Variants in IQGAP1 observed in about 807,000 individuals in gnomAD.
The protein encoded by IQGAP1 is IQ motif containing GTPase activating protein 1, also known as ras GTPase-activating-like protein IQGAP1.
In IQGAP1, 66 loss-of-function variants were observed where a neutral mutation model predicts 215.6. The observed-to-expected ratio is 0.31, with a 90% CI of 0.25 to 0.38. The LOEUF is 0.38. Ranked by LOEUF, IQGAP1 falls within the 10% of genes least tolerant of loss-of-function variation. The pLI, the probability that IQGAP1 is intolerant of heterozygous loss-of-function variation, is 1.00. For missense variants in IQGAP1, 1,712 were observed against 1,997.1 expected (o/e 0.86, Z 2.72); for synonymous variants, 772 against 728.7 (o/e 1.06, Z -0.96).
intron 36 of IQGAP1, 91 bp downstream of exon 36, chr15:90,494,926 G>A: frequency 2.2e-6 from 2 of 889,140 alleles, no homozygotes; most frequent in South Asian, 1.6e-5. Flanking sequence ...TTTTCTGGAT[G>A]GTTACTTTTA....
At chr15:90,443,158 G>A (rs1462543198) in intron 8 of IQGAP1, among the ~76,000 whole-genome samples, 5 of 152,088 alleles carry the variant, frequency 3.3e-5, no homozygotes, top group Admixed American at 2.0e-4. Flanking sequence ...ATGGGGTCTC[G>A]CTATGTTGCC....
chr15:90,479,685 G>A (rs1318104926), intron 26 of IQGAP1, among the ~76,000 whole-genome samples: 1 of 152,036 alleles, frequency 6.6e-6, no homozygotes, highest in African/African-American at 2.4e-5. Flanking sequence ...GGTTGAGGCT[G>A]CAGTGTGCCT....
At chr15:90,479,829 A>C (rs1355884270) in intron 26 of IQGAP1, among the ~76,000 whole-genome samples, 1 of 152,116 alleles carries the variant, frequency 6.6e-6, no homozygotes, top group East Asian at 1.9e-4. Context: ...TCATTGCAAA[A>C]GTCTTTTTAA....
In IQGAP1 at chr15:90,500,172, T is replaced by C. The variant is rs1483729349; in HGVS notation, c.*64T>C. ...AAGCACCTCACAGCTCCTTTCTAGG[T>C]CCTTCTTTCCTCATTGGAAGCAAAG... On this transcript the variant is annotated 3_prime_UTR_variant, in exon 38 of 38. Transcript: ENST00000268182. The C allele has an allele frequency of 1.1e-5, 10 of 881,944 alleles. No individual in the cohort carries two copies. Among genetic ancestry groups the C allele is most frequent in the Non-Finnish European group, 1.1e-5 (6 of 532,316 alleles). 54.6% of individuals were successfully genotyped at this position (881,944 alleles called of 1,614,324 possible). A position where few individuals can be genotyped will look rare whatever the true frequency, so the allele number is the denominator to read the frequency against.
intron 37 of IQGAP1, among the ~76,000 whole-genome samples, chr15:90,499,471 T>C (rs1314080412): frequency 6.6e-6 from 1 of 152,242 alleles, no homozygotes; most frequent in East Asian, 1.9e-4. Flanking sequence ...GCCTTCGGGA[T>C]AGAAAGTGTT....
chr15:90,496,576 C>T (rs934357772), intron 36 of IQGAP1: 4 of 152,212 alleles, frequency 2.6e-5, no homozygotes, highest in African/African-American at 7.2e-5. Context: ...CCGCCTCGGT[C>T]TCCCAAAGTG....
chr15:90,397,829 C>T (rs540567542), intron 2 of IQGAP1: 1 of 151,012 alleles, frequency 6.6e-6, no homozygotes, highest in Non-Finnish European at 1.5e-5. Flanking sequence ...ACTCAATAAA[C>T]TTTTATCCAA....
intron 26 of IQGAP1, among the ~76,000 whole-genome samples, 182 bp from the exon 27 acceptor site, chr15:90,481,778 A>G (rs954156780): frequency 3.9e-5 from 6 of 152,188 alleles, no homozygotes; most frequent in Non-Finnish European, 7.3e-5. Context: ...CAATTCAGGC[A>G]CCTGATTCAC....
At chr15:90,426,383 A>G in intron 3 of IQGAP1, 117 bp downstream of exon 3, 1 of 1,124,904 alleles carries the variant, frequency 8.9e-7, no homozygotes, top group Non-Finnish European at 1.2e-6. Flanking sequence ...GCAACAAATT[A>G]TAGCCTTTAA....
At position 90,477,791 on chromosome 15, in the gene IQGAP1, G is replaced by A. The variant is rs753394940; in HGVS notation, c.3231G>A (p.Lys1077=). The stretch of plus-strand genomic sequence containing the variant: ...GACAGATCTTGGCCCCAGTCGTGAA[G>A]GAAATTATGGATGACAAATCTCTCA... ...ALRQILAPVV[K]EIMDDKSLNI... Residue 1077 remains lysine, a synonymous_variant, in exon 26 of 38, where the codon AAG becomes AAA. Transcript: ENST00000268182. 6.2e-6 allele frequency: 10 copies of A among 1,613,842 alleles called. No homozygotes were observed. In the African/African-American group the frequency reaches 9.3e-5, roughly 15 times the overall value.
intron 15 of IQGAP1, among the ~76,000 whole-genome samples, chr15:90,464,842 ACT>A (rs1293827168): frequency 6.8e-6 from 1 of 148,094 alleles, no homozygotes; most frequent in African/African-American, 2.5e-5. Flanking sequence ...ACAGAGCGAG[ACT>A]CTGTCTCAAA....
chr15:90,453,203 A>G lies in IQGAP1; in HGVS notation c.1398A>G (p.Ala466=), dbSNP rs376572982. 1.1e-5 allele frequency: 18 copies of G among 1,613,746 alleles called. No individual in the cohort carries two copies. The highest frequency in any genetic ancestry group is 1.5e-5 in the Non-Finnish European group (18 of 1,179,790). The change falls in exon 13 of 38, where the codon GCA becomes GCG. Residue 466 remains alanine, a synonymous_variant. Coordinates refer to ENST00000268182, the MANE Select transcript of IQGAP1 (RefSeq NM_003870.4). ...MLSSVALINR[A]LESGDVNTVW... Reference sequence around the variant, plus strand: ...CATCGGTGGCCCTGATCAACAGGGCATTGGAATCAGGAGATGTGAATACAG... The same window carrying G: ...CATCGGTGGCCCTGATCAACAGGGCGTTGGAATCAGGAGATGTGAATACAG...
At chr15:90,433,850 T>G in intron 5 of IQGAP1, 55 bp downstream of exon 5, 1 of 1,049,540 alleles carries the variant, frequency 9.5e-7, no homozygotes, top group Non-Finnish European at 1.4e-6. Flanking sequence ...CTGAATTGAG[T>G]GTGTAGTTTT....
chr15:90,460,882 C>T (rs546932119), intron 15 of IQGAP1, among the ~76,000 whole-genome samples: 14 of 151,568 alleles, frequency 9.2e-5, no homozygotes, highest in Middle Eastern at 3.4e-3. Flanking sequence ...ACCTGTGGTC[C>T]CAGGCACTTG....
At chr15:90,448,770 T>G in intron 10 of IQGAP1, 34 bp downstream of exon 10, 2 of 1,457,110 alleles carry the variant, frequency 1.4e-6, no homozygotes, top group Non-Finnish European at 1.8e-6. Flanking sequence ...TGCAAGAGTT[T>G]GTATATATCC....
chr15:90,444,944 G>A (rs1020744464), intron 9 of IQGAP1, among the ~76,000 whole-genome samples: 1 of 152,084 alleles, frequency 6.6e-6, no homozygotes, highest in Admixed American at 6.6e-5. Context: ...GCAATGTGGC[G>A]AAACCCTGTC....
chr15:90,454,215 G>C (rs778225976), intron 13 of IQGAP1, among the ~76,000 whole-genome samples: 11 of 152,102 alleles, frequency 7.2e-5, no homozygotes, highest in Non-Finnish European at 1.6e-4. Context: ...TTTAATTCTA[G>C]AGTTAGTCTT....
chr15:90,414,138 C>T (rs114200000), intron 2 of IQGAP1, among the ~76,000 whole-genome samples: 1,971 of 152,170 alleles, frequency 0.013, 35 homozygotes, highest in African/African-American at 0.045. Context: ...CCTAGTTTTT[C>T]CTCTTCCTTT....
chr15:90,458,497 C>G (rs1028393028), intron 15 of IQGAP1, among the ~76,000 whole-genome samples: 1 of 152,138 alleles, frequency 6.6e-6, no homozygotes, highest in Non-Finnish European at 1.5e-5. Flanking sequence ...TCCCTTTGGA[C>G]TTTCTTAGCA....
Sources: allele counts gnomAD v4.1 joint callset (sites outside exome capture counted in the v4.1 genomes callset), GRCh38; gene constraint gnomAD v4.1.1; transcripts MANE v1.5; gene names NCBI Gene and HGNC (gene_info 2026-07-23, HGNC 2026-07-21).